The following M6PR variants were observed in gnomAD, a reference collection of about 807,000 sequenced individuals.
The protein encoded by M6PR is mannose-6-phosphate receptor, cation dependent.
A neutral mutation model predicts 33.1 loss-of-function variants in M6PR; 19 were observed. The ratio of observed to expected loss-of-function variants is 0.57; its 90% CI spans 0.40 to 0.84. The LOEUF is 0.84. Ranked by LOEUF, M6PR falls within the 40% of genes least tolerant of loss-of-function variation. The pLI is 0.00. For synonymous variants in M6PR, 111 were observed against 123.4 expected, an observed-to-expected ratio of 0.90 and a Z score of 0.67; for missense variants, 295 against 336.0, an observed-to-expected ratio of 0.88 and a Z score of 0.95.
Position 8,940,598 on chromosome 12 carries a change from G to A in M6PR, c.*1220C>T, listed in dbSNP as rs8639. On this transcript the variant is annotated 3_prime_UTR_variant, in exon 7 of 7. Transcript: ENST00000000412. The stretch of plus-strand genomic sequence containing the variant: ...AAGGCTTATAAAAGGCCCCCTGCCT[G>A]TTGATTCCATCCCTCTTTTGTGTCC... 1,002 of 76,946 alleles carry A rather than the reference G, an allele frequency of 0.013. 24 individuals carry two copies. Among genetic ancestry groups the A allele is most frequent in the African/African-American group, 0.047 (847 of 18,180 alleles). 4.8% of individuals were successfully genotyped at this position (76,946 alleles called of 1,614,324 possible).
rs1195545028 is a variant in M6PR at position 8,941,555 on chromosome 12, A to G, written c.*263T>C. 8.6e-6 allele frequency: 3 copies of G among 349,616 alleles called. No individual in the cohort carries two copies. The highest frequency in any genetic ancestry group is 2.1e-5 in the African/African-American group (1 of 48,340). 21.7% of individuals were successfully genotyped at this position (349,616 alleles called of 1,614,324 possible). On this transcript the variant is annotated 3_prime_UTR_variant, in exon 7 of 7. Transcript: ENST00000000412. The stretch of plus-strand genomic sequence containing the variant: ...GCCTATTGTAACTTCTGATGTCAAG[A>G]GACAATGCAAAAGCCTCTGTTTTCA...
intron 5 of M6PR, 107 bp from the exon 6 acceptor site, chr12:8,942,649 G>T: frequency 1.6e-6 from 2 of 1,235,108 alleles, no homozygotes; most frequent in Non-Finnish European, 1.1e-6. Context: ...TACATTCCCT[G>T]AAAAGGAAAA....
At chr12:8,948,545 GC>G (rs1243708518) in intron 1 of M6PR, among the ~76,000 whole-genome samples, 1 of 152,196 alleles carries the variant, frequency 6.6e-6, no homozygotes, top group Non-Finnish European at 1.5e-5. Context: ...GGGCCCAGTA[GC>G]CCCCTTTTAA....
Position 8,942,432 on chromosome 12 carries a change from A to G in M6PR, c.695T>C (p.Leu232Pro). 1 of 1,614,178 alleles carries G rather than the reference A, an allele frequency of 6.2e-7. No individual in the cohort carries two copies. Among genetic ancestry groups the G allele is most frequent in the Non-Finnish European group, 8.5e-7 (1 of 1,180,020 alleles). ...GTTACTTACTGCTACCAGGTTGCCA[A>G]GATCCTGCCAGAAGGCTAAGTGGGG... ...QFPHLAFWQDLGNLVADGCDF... is the reference protein window; with the variant it reads ...QFPHLAFWQDPGNLVADGCDF... The change falls in exon 6 of 7, where the codon CTT (leucine) becomes CCT (proline). Residue 232 changes from leucine (L) to proline (P), a missense_variant. Leu to Pro is a moderately conservative substitution (Grantham distance 98, BLOSUM62 -3). Transcript: ENST00000000412.
intron 2 of M6PR, 141 bp from the exon 3 acceptor site, chr12:8,945,725 GTTTAAT>G (rs1381678486): frequency 2.9e-6 from 2 of 689,268 alleles, no homozygotes. Flanking sequence ...GTGAATATTT[GTTTAAT>G]TTTAAGATAT....
chr12:8,941,803 C>T lies in M6PR; in HGVS notation c.*15G>A. ...TTGGGGGACTGAGGAAGAGGCTGGA[C>T]ATATAAAGTGCAATCTACATTGGTA... On this transcript the variant is annotated 3_prime_UTR_variant, in exon 7 of 7. Transcript: ENST00000000412. 6.2e-7 allele frequency: 1 copy of T among 1,614,044 alleles called. No homozygotes were observed. The highest frequency in any genetic ancestry group is 8.5e-7 in the Non-Finnish European group (1 of 1,179,972).
At position 8,941,835 on chromosome 12, in the gene M6PR, G is replaced by C; in HGVS notation, c.817C>G (p.His273Asp). The C allele has an allele frequency of 6.2e-7, 1 of 1,614,018 alleles. No individual in the cohort carries two copies. The highest frequency in any genetic ancestry group is 1.1e-5 in the South Asian group (1 of 91,074). Residue 273 changes from histidine to aspartate, a missense_variant, in exon 7 of 7, where the codon CAT becomes GAT. By Grantham distance (81) the His-to-Asp change is moderately conservative. Transcript: ENST00000000412. The part of the protein sequence containing the change: ...LGEESEERDD[H>D]LLPM Reference sequence around the variant, plus strand: ...AGTGCAATCTACATTGGTAATAAATGGTCATCCCTTTCTTCTGACTCCTCC... The same window carrying C: ...AGTGCAATCTACATTGGTAATAAATCGTCATCCCTTTCTTCTGACTCCTCC...
intron 6 of M6PR, 173 bp from the exon 7 acceptor site, chr12:8,942,113 G>A (rs1946021199): frequency 1.2e-6 from 1 of 801,316 alleles, no homozygotes; most frequent in Non-Finnish European, 1.9e-6. Context: ...AGGAGAAAAA[G>A]TTTCTTCTTA....
chr12:8,948,512 A>G (rs1190718432), intron 1 of M6PR, among the ~76,000 whole-genome samples: 1 of 152,224 alleles, frequency 6.6e-6, no homozygotes, highest in Non-Finnish European at 1.5e-5. Context: ...GGGTGCAACA[A>G]TCAGGAAGAG....
intron 2 of M6PR, 43 bp downstream of exon 2, chr12:8,946,186 A>T: frequency 6.4e-7 from 1 of 1,559,816 alleles, no homozygotes; most frequent in East Asian, 2.2e-5. Flanking sequence ...AAAGACTTTA[A>T]CATAAATATT....
intron 2 of M6PR, 90 bp from the exon 3 acceptor site, chr12:8,945,674 C>G: frequency 9.9e-7 from 1 of 1,013,240 alleles, no homozygotes; most frequent in Non-Finnish European, 1.5e-6. Flanking sequence ...TAAAACAAAA[C>G]AAACAACATG....
Position 8,942,404 on chromosome 12 carries a change from C to T in M6PR, c.711+12G>A, listed in dbSNP as rs781440404. 10 of 1,614,014 alleles carry T rather than the reference C, an allele frequency of 6.2e-6. No homozygotes were observed. The highest frequency in any genetic ancestry group is 1.7e-5 in the Admixed American group (1 of 59,996). On this transcript the variant is annotated intron_variant, in intron 6 of 6. Transcript: ENST00000000412. ...GCAGGCTACAAATTCAACCAGCTGC[C>T]CTGTTACTTACTGCTACCAGGTTGC...
In M6PR at chr12:8,949,249, T is replaced by C. The variant is rs2137179348; in HGVS notation, c.-2+239A>G. Among the ~76,000 whole-genome samples the C allele has an allele frequency of 6.6e-6, 1 of 152,242 alleles. No homozygotes were observed. Among genetic ancestry groups the C allele is most frequent in the Admixed American group, 6.5e-5 (1 of 15,290 alleles). On this transcript the variant is annotated intron_variant, in intron 1 of 6. Coordinates refer to ENST00000000412, the MANE Select transcript of M6PR (RefSeq NM_002355.4). The surrounding 1 kb of genome is among the most constrained non-coding windows in gnomAD (Gnocchi z 5.6). ...CATACTTGGGGTATTTTCCTTTCCC[T>C]GCTTTCTAAATATCGTAAATCCCCT...
Position 8,943,924 on chromosome 12 carries a change from A to T in M6PR, c.344-14T>A, listed in dbSNP as rs776531806. ...TGATCCAATTACCTGAGGAGGGACAAGGAAAATGGAGCTATGGGGTGGGGG... is the reference window on the plus strand; with the variant it reads ...TGATCCAATTACCTGAGGAGGGACATGGAAAATGGAGCTATGGGGTGGGGG... On this transcript the variant is annotated splice_polypyrimidine_tract_variant and intron_variant, in intron 3 of 6. Transcript: ENST00000000412. 6.4e-7 allele frequency: 1 copy of T among 1,556,240 alleles called. No individual in the cohort carries two copies.
chr12:8,942,483 A>G lies in M6PR; in HGVS notation c.644T>C (p.Val215Ala), dbSNP rs762814168. 1.2e-6 allele frequency: 2 copies of G among 1,614,188 alleles called. No individual in the cohort carries two copies. The highest frequency in any genetic ancestry group is 1.7e-6 in the Non-Finnish European group (2 of 1,180,014). ...VGGFLYQRLV[V>A]GAKGMEQFPH... ...AAACTGCTCCATTCCTTTGGCTCCC[A>G]CTACCAGTCGCTGGTATAGGAACCC... The change falls in exon 6 of 7, where the codon GTG becomes GCG. Residue 215 changes from valine (V) to alanine (A), a missense_variant. Val to Ala is a moderately conservative substitution (Grantham distance 64, BLOSUM62 0). Transcript: ENST00000000412.
At chr12:8,943,374 G>C in intron 5 of M6PR, 31 bp downstream of exon 5, 1 of 1,613,474 alleles carries the variant, frequency 6.2e-7, no homozygotes, top group Non-Finnish European at 8.5e-7. Context: ...AAGGAAGGAA[G>C]GTCTGTTCTG....
intron 6 of M6PR, 92 bp downstream of exon 6, chr12:8,942,324 C>T (rs1433731988): frequency 5.0e-5 from 78 of 1,573,666 alleles, no homozygotes; most frequent in Non-Finnish European, 6.8e-5. Context: ...GTCCTGTGTC[C>T]CAGGAACCCC....
chr12:8,942,178 A>T, intron 6 of M6PR: 1 of 682,900 alleles, frequency 1.5e-6, no homozygotes. Context: ...TCAGATTTAG[A>T]AGAGCCCATC....
At chr12:8,948,160 T>C (rs993312470) in intron 1 of M6PR, among the ~76,000 whole-genome samples, 1 of 152,230 alleles carries the variant, frequency 6.6e-6, no homozygotes, top group Non-Finnish European at 1.5e-5. Flanking sequence ...TTAGCTGAGT[T>C]GAACTATCTT....
Sources: gnomAD v4.1 joint callset for allele counts (sites outside exome capture counted in the v4.1 genomes callset) on GRCh38, gnomAD v4.1.1 for gene constraint, Gnocchi (gnomAD v3.1) non-coding constraint, MANE v1.5 for transcripts, NCBI Gene and HGNC (gene_info 2026-07-23, HGNC 2026-07-21) for gene names.